Variants in KCNK13 observed in about 807,000 individuals in gnomAD.
KCNK13 encodes the protein potassium channel subfamily K member 13.
A neutral mutation model predicts 23.4 loss-of-function variants in KCNK13; 12 were observed. That is an observed-to-expected ratio of 0.51 (90% confidence interval 0.33 to 0.83). The LOEUF (loss-of-function observed/expected upper bound fraction) is 0.83, where lower values mean the gene tolerates loss of function less well. Among genes scored for constraint, KCNK13 ranks in the 40% least tolerant of loss-of-function variants. KCNK13 has a pLI of 0.02. For missense variants in KCNK13, 463 were observed against 556.3 expected, an observed-to-expected ratio of 0.83 and a Z score of 1.69; for synonymous variants, 231 against 229.5, an observed-to-expected ratio of 1.01 and a Z score of -0.06.
rs139112374 is a variant in KCNK13 at position 90,184,766 on chromosome 14, C to T, written c.990C>T (p.Asp330=). Residue 330 remains aspartate (D), a synonymous_variant, in exon 2 of 2, where the codon GAC becomes GAT. Coordinates refer to ENST00000282146, the MANE Select transcript of KCNK13 (RefSeq NM_022054.4). The surrounding 1 kb of genome is among the most constrained non-coding windows in gnomAD (Gnocchi z 5.6). ...GCTGCAACATCTCCATAGAGACAGA[C>T]GGGGTGGCAGAGAGTGACACGGACG... ...RNRCNISIET[D]GVAESDTDGR... 9.9e-6 allele frequency: 16 copies of T among 1,613,490 alleles called. No homozygotes were observed. Among genetic ancestry groups the T allele is most frequent in the Middle Eastern group, 1.6e-4 (1 of 6,084 alleles).
chr14:90,153,753 A>G (rs1890162454), intron 1 of KCNK13, among the ~76,000 whole-genome samples: 1 of 152,180 alleles, frequency 6.6e-6, no homozygotes, highest in South Asian at 2.1e-4. Flanking sequence ...AAGGCCTCTG[A>G]GCTGTGAAGA....
chr14:90,116,802 C>CT (rs574956929), intron 1 of KCNK13, among the ~76,000 whole-genome samples: 89 of 152,314 alleles, frequency 5.8e-4, no homozygotes, highest in Non-Finnish European at 8.7e-4. Flanking sequence ...ATGCGCTCAT[C>CT]TTTTCTCCTA....
chr14:90,106,372 C>T (rs943633823), intron 1 of KCNK13, among the ~76,000 whole-genome samples: 3 of 151,750 alleles, frequency 2.0e-5, no homozygotes, highest in Admixed American at 6.6e-5. Context: ...GTCAGGAGTT[C>T]GAGACCAGCC....
chr14:90,185,013 G>T lies in KCNK13; in HGVS notation c.*10G>T, dbSNP rs12147332. 49 of 1,561,160 alleles carry T rather than the reference G, an allele frequency of 3.1e-5. No homozygotes were observed. In the East Asian group the frequency reaches 1.1e-3, roughly 35 times the overall value. Reference sequence around the variant, plus strand: ...CAGTGGGGACAGGTAGAAGCCAGGAGTGGATGCTGGGCAGAGGCCAGAGTA... The same window carrying T: ...CAGTGGGGACAGGTAGAAGCCAGGATTGGATGCTGGGCAGAGGCCAGAGTA... On this transcript the variant is annotated 3_prime_UTR_variant, in exon 2 of 2. Coordinates refer to ENST00000282146, the MANE Select transcript of KCNK13 (RefSeq NM_022054.4).
At chr14:90,072,522 T>C (rs1204717731) in intron 1 of KCNK13, among the ~76,000 whole-genome samples, 1 of 152,198 alleles carries the variant, frequency 6.6e-6, no homozygotes, top group Non-Finnish European at 1.5e-5. Context: ...GCTCTGGGCT[T>C]CCTTATCTTT....
chr14:90,134,784 T>C (rs894389852), intron 1 of KCNK13, among the ~76,000 whole-genome samples: 18 of 152,232 alleles, frequency 1.2e-4, no homozygotes, highest in Non-Finnish European at 2.5e-4. Context: ...GAATGGTGTT[T>C]TGCATTTTCT....
chr14:90,122,516 T>C lies in KCNK13; in HGVS notation c.334+59977T>C, dbSNP rs536511753. ...CACCACACCCGGCTAAATTTTTTTTTTGTATTTTTAGTAGACAGGGTTTCA... is the reference window on the plus strand; with the variant it reads ...CACCACACCCGGCTAAATTTTTTTTCTGTATTTTTAGTAGACAGGGTTTCA... On this transcript the variant is annotated intron_variant, in intron 1 of 1. Transcript: ENST00000282146. 2.1e-3 allele frequency among the ~76,000 whole-genome samples: 323 copies of C among 152,142 alleles called. 4 individuals are homozygous for C. Among genetic ancestry groups the C allele is most frequent in the African/African-American group, 7.2e-3 (299 of 41,508 alleles).
rs184209253 is a variant in KCNK13 at position 90,153,434 on chromosome 14, A to G, written c.335-30677A>G. The stretch of plus-strand genomic sequence containing the variant: ...CACAGTTTCCTGAATAAAATGATCC[A>G]TGTAAAAGTTTATAGCACAGAGCCT... On this transcript the variant is annotated intron_variant, in intron 1 of 1. Coordinates refer to ENST00000282146, the MANE Select transcript of KCNK13 (RefSeq NM_022054.4). Among the ~76,000 whole-genome samples the G allele has an allele frequency of 8.8e-4, 134 of 152,344 alleles. 1 individual carries two copies. Among genetic ancestry groups the G allele is most frequent in the African/African-American group, 3.2e-3 (131 of 41,576 alleles).
chr14:90,081,103 A>G (rs1307069594), intron 1 of KCNK13, among the ~76,000 whole-genome samples: 1 of 152,254 alleles, frequency 6.6e-6, no homozygotes, highest in Non-Finnish European at 1.5e-5. Flanking sequence ...AGTGCTGAGC[A>G]CTGGGACCAA....
chr14:90,123,208 C>G (rs1200825307), intron 1 of KCNK13, among the ~76,000 whole-genome samples: 1 of 152,182 alleles, frequency 6.6e-6, no homozygotes, highest in Non-Finnish European at 1.5e-5. Flanking sequence ...TTGGCTAGGG[C>G]AGCCATAACC....
At chr14:90,143,763 G>A (rs1474733242) in intron 1 of KCNK13, among the ~76,000 whole-genome samples, 1 of 152,190 alleles carries the variant, frequency 6.6e-6, no homozygotes, top group Non-Finnish European at 1.5e-5. Flanking sequence ...GGGAAGAGAT[G>A]TGCAGAAAAC....
intron 1 of KCNK13, among the ~76,000 whole-genome samples, chr14:90,085,301 AT>A (rs1327297099): frequency 6.6e-6 from 1 of 151,822 alleles, no homozygotes; most frequent in Non-Finnish European, 1.5e-5. Context: ...ATGGTGTATA[AT>A]TTTTTTAATA....
intron 1 of KCNK13, among the ~76,000 whole-genome samples, chr14:90,183,227 T>C (rs1392606221): frequency 1.3e-5 from 2 of 152,206 alleles, no homozygotes; most frequent in Non-Finnish European, 2.9e-5. Context: ...AGTTTATCAA[T>C]GTATAGCATC....
At chr14:90,076,300 A>T (rs1049703047) in intron 1 of KCNK13, among the ~76,000 whole-genome samples, 1 of 152,248 alleles carries the variant, frequency 6.6e-6, no homozygotes, top group Non-Finnish European at 1.5e-5. Flanking sequence ...CTGATATAAT[A>T]GTCCCACAAG....
At chr14:90,080,601 T>A (rs1596768699) in intron 1 of KCNK13, among the ~76,000 whole-genome samples, 2 of 152,346 alleles carry the variant, frequency 1.3e-5, no homozygotes, top group South Asian at 4.1e-4. Context: ...TAACAGGTTT[T>A]CAGACTTGCT....
At chr14:90,072,361 G>A (rs752848941) in intron 1 of KCNK13, among the ~76,000 whole-genome samples, 5 of 152,176 alleles carry the variant, frequency 3.3e-5, no homozygotes, top group African/African-American at 4.8e-5. Context: ...TGAGTGTAAC[G>A]GGGTGTAGGA....
chr14:90,131,998 G>T (rs1158502621), intron 1 of KCNK13, among the ~76,000 whole-genome samples: 10 of 152,208 alleles, frequency 6.6e-5, no homozygotes. Flanking sequence ...CAGCAGCATT[G>T]TTCAGAATAG....
rs910722828 is a variant in KCNK13, at chr14:90,150,524, C to A, written c.335-33587C>A. ...CTCAAAGGTCTTCATGAGTGAGACA[C>A]TCCAACCTGCAAAATCCAGAGACAT... On this transcript the variant is annotated intron_variant, in intron 1 of 1. Transcript: ENST00000282146. Among the ~76,000 whole-genome samples, 4 of 152,288 alleles carry A rather than the reference C, an allele frequency of 2.6e-5. No individual in the cohort carries two copies. The South Asian group carries it at 8.3e-4, about 32-fold the overall frequency.
chr14:90,135,075 C>T (rs1212856425), intron 1 of KCNK13, among the ~76,000 whole-genome samples: 1 of 152,196 alleles, frequency 6.6e-6, no homozygotes, highest in Non-Finnish European at 1.5e-5. Flanking sequence ...GTTGTTAAAT[C>T]GCAGAGAACT....
Sources: allele counts gnomAD v4.1 joint callset (sites outside exome capture counted in the v4.1 genomes callset), GRCh38; gene constraint gnomAD v4.1.1; non-coding constraint Gnocchi (gnomAD v3.1); transcripts MANE v1.5; gene names NCBI Gene and HGNC (gene_info 2026-07-23, HGNC 2026-07-21).